The following DNER variants were observed in gnomAD, a reference collection of about 807,000 sequenced individuals.
The protein encoded by DNER is delta and Notch-like epidermal growth factor-related receptor.
A neutral mutation model predicts 78.2 loss-of-function variants in DNER; 33 were observed. The ratio of observed to expected loss-of-function variants is 0.42; its 90% CI spans 0.32 to 0.56. The LOEUF (loss-of-function observed/expected upper bound fraction) is 0.56. Among genes scored for constraint, DNER ranks in the 20% least tolerant of loss-of-function variants. DNER has a pLI of 0.11. For missense variants in DNER, 918 were observed against 975.3 expected, an observed-to-expected ratio of 0.94 and a Z score of 0.78; for synonymous variants, 417 against 384.8, an observed-to-expected ratio of 1.08 and a Z score of -0.98.
At chr2:229,537,869 C>A (rs564784059) in intron 5 of DNER, among the ~76,000 whole-genome samples, 22 of 152,206 alleles carry the variant, frequency 1.4e-4, no homozygotes, top group African/African-American at 4.8e-4. Context: ...AACTCGTCAT[C>A]TAGCAGAATT....
At chr2:229,381,438 C>T (rs1365993686) in intron 11 of DNER, among the ~76,000 whole-genome samples, 2 of 152,120 alleles carry the variant, frequency 1.3e-5, no homozygotes, top group Admixed American at 1.3e-4. Context: ...ACCGTTCACT[C>T]CCCTGGAAAG....
intron 5 of DNER, among the ~76,000 whole-genome samples, chr2:229,516,630 A>T (rs1229894880): frequency 6.6e-6 from 1 of 152,056 alleles, no homozygotes; most frequent in Non-Finnish European, 1.5e-5. Flanking sequence ...TACATTAATG[A>T]AACTTTCTCA....
chr2:229,633,461 A>T (rs1419890635), intron 1 of DNER, among the ~76,000 whole-genome samples: 2 of 152,336 alleles, frequency 1.3e-5, no homozygotes, highest in East Asian at 3.8e-4. Flanking sequence ...ATGCCACCTT[A>T]TTTTTAAAAA....
At chr2:229,474,551 G>A (rs868628845) in intron 7 of DNER, among the ~76,000 whole-genome samples, 2 of 152,268 alleles carry the variant, frequency 1.3e-5, no homozygotes, top group Middle Eastern at 3.4e-3. Context: ...AAAGGAGAAG[G>A]GTTCCTAGAT....
chr2:229,519,362 T>A lies in DNER; in HGVS notation c.994-6426A>T, dbSNP rs371996034. Among the ~76,000 whole-genome samples the A allele has an allele frequency of 9.2e-5, 14 of 152,280 alleles. No homozygotes were observed. In the East Asian group the frequency reaches 1.4e-3, roughly 15 times the overall value. The stretch of plus-strand genomic sequence containing the variant: ...TCAGAACTTATAATTCTATTTTACT[T>A]TCTCCCTTAAAGAACATATACAGAA... On this transcript the variant is annotated intron_variant, in intron 5 of 12. Transcript: ENST00000341772.
At chr2:229,590,111 T>G (rs1697575810) in intron 2 of DNER, among the ~76,000 whole-genome samples, 1 of 152,102 alleles carries the variant, frequency 6.6e-6, no homozygotes, top group Non-Finnish European at 1.5e-5. Flanking sequence ...TTTATATGGA[T>G]GTCATACATA....
intron 7 of DNER, among the ~76,000 whole-genome samples, chr2:229,469,497 A>G (rs1268855601): frequency 1.3e-5 from 2 of 152,178 alleles, no homozygotes; most frequent in African/African-American, 4.8e-5. Flanking sequence ...AGCCACTAAT[A>G]CTACCCTCGC....
intron 1 of DNER, among the ~76,000 whole-genome samples, chr2:229,689,047 A>C (rs1044527031): frequency 6.6e-6 from 1 of 152,206 alleles, no homozygotes. Context: ...TACTGGGCTT[A>C]ATACCTAGGG....
intron 5 of DNER, among the ~76,000 whole-genome samples, chr2:229,546,671 G>A (rs2154213200): frequency 6.6e-6 from 1 of 151,858 alleles, no homozygotes; most frequent in East Asian, 1.9e-4. Flanking sequence ...AGGAGCCAGA[G>A]GTTGCGGTAA....
chr2:229,383,794 C>T (rs1217995337), intron 11 of DNER, among the ~76,000 whole-genome samples: 1 of 151,164 alleles, frequency 6.6e-6, no homozygotes, highest in African/African-American at 2.4e-5. Flanking sequence ...GAATTAGACT[C>T]CCACACAATA....
intron 10 of DNER, among the ~76,000 whole-genome samples, chr2:229,393,927 T>G (rs1357568064): frequency 1.3e-5 from 2 of 152,186 alleles, no homozygotes; most frequent in African/African-American, 4.8e-5. Flanking sequence ...CAGTCTAACA[T>G]AGATGTACTC....
chr2:229,660,602 G>A (rs1037036592), intron 1 of DNER, among the ~76,000 whole-genome samples: 1 of 152,166 alleles, frequency 6.6e-6, no homozygotes, highest in Admixed American at 6.5e-5. Context: ...CATTATAGAT[G>A]TGGTTGGGCA....
chr2:229,492,886 G>T (rs1190174109), intron 6 of DNER, among the ~76,000 whole-genome samples: 1 of 152,080 alleles, frequency 6.6e-6, no homozygotes, highest in African/African-American at 2.4e-5. Flanking sequence ...GCCCAGACTG[G>T]TCTCAAACTC....
At chr2:229,602,436 T>C (rs1418287794) in intron 1 of DNER, among the ~76,000 whole-genome samples, 1 of 152,166 alleles carries the variant, frequency 6.6e-6, no homozygotes, top group Non-Finnish European at 1.5e-5. Flanking sequence ...AAAGCAAGGA[T>C]GTTTGCTAAT....
chr2:229,368,234 A>G (rs1692396543), intron 11 of DNER, among the ~76,000 whole-genome samples: 1 of 152,088 alleles, frequency 6.6e-6, no homozygotes, highest in South Asian at 2.1e-4. Flanking sequence ...ATAGTGGCAC[A>G]TGCCTGTGGT....
chr2:229,559,075 CATAG>C (rs1696908141), intron 4 of DNER, among the ~76,000 whole-genome samples: 2 of 152,130 alleles, frequency 1.3e-5, no homozygotes, highest in African/African-American at 2.4e-5. Context: ...AGAAATTACA[CATAG>C]ATAGTTTAGG....
intron 7 of DNER, among the ~76,000 whole-genome samples, chr2:229,451,788 T>C (rs1694462998): frequency 6.6e-6 from 1 of 152,220 alleles, no homozygotes; most frequent in South Asian, 2.1e-4. Flanking sequence ...GGACTTATGT[T>C]TCTATCCTGT....
At chr2:229,609,034 C>T (rs1697997290) in intron 1 of DNER, among the ~76,000 whole-genome samples, 1 of 152,054 alleles carries the variant, frequency 6.6e-6, no homozygotes, top group Non-Finnish European at 1.5e-5. Flanking sequence ...ACCAGCCTGG[C>T]CAACATGGTG....
chr2:229,383,180 A>C (rs1416977073), intron 11 of DNER, among the ~76,000 whole-genome samples: 1 of 152,196 alleles, frequency 6.6e-6, no homozygotes, highest in Non-Finnish European at 1.5e-5. Flanking sequence ...TAAGTGAAGG[A>C]GAAATAAAAT....
Sources: gnomAD v4.1 joint callset for allele counts (sites outside exome capture counted in the v4.1 genomes callset) on GRCh38, gnomAD v4.1.1 for gene constraint, MANE v1.5 for transcripts, NCBI Gene and HGNC (gene_info 2026-07-23, HGNC 2026-07-21) for gene names.